Variants in TTC39C observed in about 807,000 individuals in gnomAD.
The protein encoded by TTC39C is tetratricopeptide repeat domain 39C, also known as tetratricopeptide repeat protein 39C.
In TTC39C, 33 loss-of-function variants were observed where a neutral mutation model predicts 76.3. That is an observed-to-expected ratio of 0.43 (90% CI 0.33 to 0.58). The LOEUF (loss-of-function observed/expected upper bound fraction) is 0.58. Among genes scored for constraint, TTC39C ranks in the 20% least tolerant of loss-of-function variants. The probability of loss-of-function intolerance (pLI) is 0.04; values close to 1 mark genes in which losing one functional copy is unlikely to be tolerated. For missense variants in TTC39C, 595 were observed against 701.4 expected, an observed-to-expected ratio of 0.85 and a Z score of 1.71; for synonymous variants, 254 against 260.6, an observed-to-expected ratio of 0.97 and a Z score of 0.24.
chr18:24,023,387 G>A (rs972877419), intron 1 of TTC39C, among the ~76,000 whole-genome samples: 5 of 152,144 alleles, frequency 3.3e-5, no homozygotes, highest in African/African-American at 9.7e-5. Flanking sequence ...CCACATGCAG[G>A]TCTCAACAGT....
chr18:24,103,615 G>A (rs1371385879), intron 6 of TTC39C, among the ~76,000 whole-genome samples: 1 of 152,184 alleles, frequency 6.6e-6, no homozygotes, highest in Admixed American at 6.5e-5. Context: ...CACATGTGAT[G>A]TTGTTCACAT....
chr18:24,023,988 A>ATCTATATC (rs2083559617), intron 1 of TTC39C, among the ~76,000 whole-genome samples: 1 of 5,146 alleles, frequency 1.9e-4, no homozygotes, highest in Non-Finnish European at 4.1e-4. Context: ...ATACATATAT[A>ATCTATATC]TATATATATA....
chr18:24,032,002 G>A (rs941186757), intron 1 of TTC39C, among the ~76,000 whole-genome samples: 1 of 152,146 alleles, frequency 6.6e-6, no homozygotes, highest in Admixed American at 6.5e-5. Context: ...AGAAGGTGGC[G>A]AAATGGAAAC....
intron 6 of TTC39C, among the ~76,000 whole-genome samples, chr18:24,109,223 G>A (rs568249391): frequency 1.4e-5 from 2 of 146,574 alleles, no homozygotes; most frequent in East Asian, 2.0e-4. Flanking sequence ...CAGATTGGTG[G>A]TGTGCACCTA....
At chr18:23,997,468 C>T (rs1599218114) in intron 1 of TTC39C, among the ~76,000 whole-genome samples, 1 of 141,154 alleles carries the variant, frequency 7.1e-6, no homozygotes. Context: ...GGGAGAACTG[C>T]TTGAAGCCAG....
chr18:24,044,104 TTTG>T (rs1187119686), intron 1 of TTC39C, among the ~76,000 whole-genome samples: 4 of 150,540 alleles, frequency 2.7e-5, no homozygotes, highest in African/African-American at 9.9e-5. Flanking sequence ...AATAACCAGT[TTTG>T]TTAGAGCCGT....
intron 1 of TTC39C, among the ~76,000 whole-genome samples, chr18:24,048,495 G>C (rs1404902107): frequency 6.6e-6 from 1 of 152,174 alleles, no homozygotes; most frequent in Non-Finnish European, 1.5e-5. Flanking sequence ...GGCCAGTTAT[G>C]CCTGTATGAG....
intron 6 of TTC39C, among the ~76,000 whole-genome samples, chr18:24,100,206 ATTGT>A (rs1568437526): frequency 6.6e-6 from 1 of 152,202 alleles, no homozygotes; most frequent in Admixed American, 6.5e-5. Flanking sequence ...TTAAATGTTC[ATTGT>A]GATGTGTCTT....
chr18:24,054,503 A>C (rs913734240), intron 1 of TTC39C, among the ~76,000 whole-genome samples: 2 of 151,424 alleles, frequency 1.3e-5, no homozygotes, highest in African/African-American at 4.9e-5. Flanking sequence ...TGACTGTTCA[A>C]CTCCCCCCTG....
chr18:24,114,998 G>A (rs1335268786), intron 7 of TTC39C: 3 of 199,434 alleles, frequency 1.5e-5, no homozygotes, highest in African/African-American at 7.1e-5. Flanking sequence ...GAGATAGTTG[G>A]ACTGAAGTCC....
chr18:24,129,717 C>A lies in TTC39C; in HGVS notation c.1519-596C>A, dbSNP rs571459096. On this transcript the variant is annotated intron_variant, in intron 11 of 13. Coordinates refer to ENST00000317571, the MANE Select transcript of TTC39C (RefSeq NM_001135993.2). ...TGAACCCAGGAGGCAGAGGTTGCAG[C>A]GAGCTGAGATCATACCACTGTACTC... 4.0e-3 allele frequency among the ~76,000 whole-genome samples: 583 copies of A among 145,804 alleles called. 4 individuals are homozygous for A. The highest frequency in any genetic ancestry group is 0.014 in the African/African-American group (566 of 39,190).
chr18:24,082,611 T>C (rs919564172), intron 5 of TTC39C, among the ~76,000 whole-genome samples: 2 of 152,190 alleles, frequency 1.3e-5, no homozygotes, highest in African/African-American at 4.8e-5. Context: ...AATTCAGAGA[T>C]TTATGTCAGC....
chr18:24,087,521 G>A (rs776224518), intron 6 of TTC39C, among the ~76,000 whole-genome samples: 6 of 151,156 alleles, frequency 4.0e-5, no homozygotes, highest in African/African-American at 7.3e-5. Context: ...AATGAAAGTC[G>A]TTTTCTATAA....
chr18:24,014,679 C>T, upstream of TTC39C: 1 of 860,176 alleles, frequency 1.2e-6, no homozygotes, highest in Non-Finnish European at 1.5e-6. Context: ...CCTCCCACGC[C>T]GCGCCGCAGC....
At chr18:24,082,192 G>A (rs927860073) in intron 5 of TTC39C, among the ~76,000 whole-genome samples, 1 of 151,508 alleles carries the variant, frequency 6.6e-6, no homozygotes, top group African/African-American at 2.4e-5. Flanking sequence ...TGTTTACCTA[G>A]TTTAACATGG....
At position 24,114,107 on chromosome 18, in the gene TTC39C, A is replaced by C. The variant is rs117497055; in HGVS notation, c.985-447A>C. ...CAGGGCTGGGCGCACACGGGGATGAAATATGGTCCCTTCCCTTTCCACACC... is the reference window on the plus strand; with the variant it reads ...CAGGGCTGGGCGCACACGGGGATGACATATGGTCCCTTCCCTTTCCACACC... On this transcript the variant is annotated intron_variant, in intron 6 of 13. Transcript: ENST00000317571. The C allele has an allele frequency of 6.5e-4, 175 of 267,938 alleles. No homozygotes were observed. The East Asian group carries it at 0.013, about 20-fold the overall frequency. 16.6% of individuals were successfully genotyped at this position (267,938 alleles called of 1,614,324 possible). A position where few individuals can be genotyped will look rare whatever the true frequency, so the allele number is the denominator to read the frequency against.
At chr18:24,021,539 CTTTTTTTTTTTT>C (rs60505555) in intron 1 of TTC39C, among the ~76,000 whole-genome samples, 3 of 118,870 alleles carry the variant, frequency 2.5e-5, no homozygotes, top group South Asian at 5.3e-4. Context: ...TTCTTTCCTT[CTTTTTTTTTTTT>C]TTTTTTTTTT....
At position 24,064,150 on chromosome 18, in the gene TTC39C, C is replaced by T. The variant is rs1393066123; in HGVS notation, c.178C>T (p.Pro60Ser). The T allele has an allele frequency of 3.1e-6, 5 of 1,612,758 alleles. No individual in the cohort carries two copies. The highest frequency in any genetic ancestry group is 4.2e-6 in the Non-Finnish European group (5 of 1,179,630). Reference protein sequence around the residue: ...QLFKQYRNHSPLMSFGASFVS... With the variant: ...QLFKQYRNHSSLMSFGASFVS... ...GTGTTTTTTTAACAGAAATCATAGC[C>T]CACTAATGAGTTTTGGAGCCAGCTT... Residue 60 changes from proline (P) to serine (S), a missense_variant, in exon 2 of 14, where the codon CCA (proline) becomes TCA (serine). Pro to Ser is a moderately conservative substitution (Grantham distance 74). Transcript: ENST00000317571.
chr18:24,073,503 A>G (rs746991949), intron 4 of TTC39C, among the ~76,000 whole-genome samples: 1 of 150,938 alleles, frequency 6.6e-6, no homozygotes, highest in Non-Finnish European at 1.5e-5. Flanking sequence ...TCCTTTGTAC[A>G]GCATTCCCTC....
Sources: allele counts gnomAD v4.1 joint callset (sites outside exome capture counted in the v4.1 genomes callset), GRCh38; gene constraint gnomAD v4.1.1; transcripts MANE v1.5; gene names NCBI Gene and HGNC (gene_info 2026-07-23, HGNC 2026-07-21).